DYSF: variants seen among roughly 807,000 people sequenced by gnomAD.
DYSF encodes dysferlin.
DYSF carries 212 observed loss-of-function variants against 274.9 expected under a neutral mutation model. That is an observed-to-expected ratio of 0.77 (90% CI 0.69 to 0.86). DYSF has a LOEUF of 0.86. Ranked by LOEUF, DYSF falls within the 40% of genes least tolerant of loss-of-function variation. DYSF has a pLI of 0.00. For missense variants in DYSF, 2,666 were observed against 2,783.2 expected (o/e 0.96, Z 0.95); for synonymous variants, 1,091 against 1,078.7 (o/e 1.01, Z -0.22).
At chr2:71,612,310 G>A (rs2093781609) in intron 38 of DYSF, among the ~76,000 whole-genome samples, 1 of 152,202 alleles carries the variant, frequency 6.6e-6, no homozygotes, top group South Asian at 2.1e-4. Context: ...TGGGGGGACT[G>A]TCTGTAAGAA....
At chr2:71,545,327 G>A (rs576785606) in intron 17 of DYSF, among the ~76,000 whole-genome samples, 84 of 152,304 alleles carry the variant, frequency 5.5e-4, no homozygotes, top group Admixed American at 1.0e-3. Flanking sequence ...TACCCTCCCT[G>A]AGCTTCCACA....
At chr2:71,483,152 C>T (rs2083073518) in intron 3 of DYSF, among the ~76,000 whole-genome samples, 1 of 152,124 alleles carries the variant, frequency 6.6e-6, no homozygotes, top group Admixed American at 6.5e-5. Flanking sequence ...GAGGGTGGGG[C>T]ACTTTCACTG....
In DYSF at chr2:71,630,636, C is replaced by T. The variant is rs371096863; in HGVS notation, c.4527+10027C>T. ...GGTCCAGCCCATAGTCTCCTATAGGCTCAGTGAGTGGGAAGCCAAATTGTG... is the reference window on the plus strand; with the variant it reads ...GGTCCAGCCCATAGTCTCCTATAGGTTCAGTGAGTGGGAAGCCAAATTGTG... On this transcript the variant is annotated intron_variant, in intron 41 of 55. Transcript: ENST00000410020. Among the ~76,000 whole-genome samples, 35 of 152,336 alleles carry T rather than the reference C, an allele frequency of 2.3e-4. No homozygotes were observed. In the South Asian group the frequency reaches 7.0e-3, roughly 31 times the overall value.
chr2:71,616,666 T>C (rs1276188283), intron 40 of DYSF, among the ~76,000 whole-genome samples: 1 of 152,188 alleles, frequency 6.6e-6, no homozygotes, highest in African/African-American at 2.4e-5. Flanking sequence ...TTCTCTGCTT[T>C]AGAAAACGAT....
At chr2:71,614,998 C>T (rs1227980988) in intron 40 of DYSF, among the ~76,000 whole-genome samples, 6 of 152,174 alleles carry the variant, frequency 3.9e-5, no homozygotes, top group African/African-American at 7.2e-5. Context: ...TCCTGTTTCC[C>T]GGCTGCTCCA....
intron 45 of DYSF, among the ~76,000 whole-genome samples, chr2:71,662,010 T>A (rs2094890174): frequency 6.6e-6 from 1 of 152,096 alleles, no homozygotes; most frequent in African/African-American, 2.4e-5. Context: ...GCAGGGCCTG[T>A]TCCACAGTGG....
chr2:71,636,131 G>A (rs2152916789), intron 41 of DYSF, among the ~76,000 whole-genome samples: 1 of 152,284 alleles, frequency 6.6e-6, no homozygotes, highest in East Asian at 1.9e-4. Context: ...AAAGTTGAAG[G>A]ACGTGAGGTC....
At chr2:71,611,657 A>G in intron 38 of DYSF, 31 bp downstream of exon 38, 1 of 1,609,020 alleles carries the variant, frequency 6.2e-7, no homozygotes, top group Non-Finnish European at 8.5e-7. Flanking sequence ...GTCCCCTTCC[A>G]GAGTCCTGGG....
intron 28 of DYSF, 55 bp downstream of exon 28, chr2:71,570,389 G>A (rs969030843): frequency 2.5e-5 from 39 of 1,576,984 alleles, no homozygotes; most frequent in South Asian, 5.5e-5. Flanking sequence ...CTCAAGCCAT[G>A]CTGGTGGGGA....
At chr2:71,568,470 G>A (rs779687583) in intron 26 of DYSF, 132 bp downstream of exon 26, 82 of 1,231,942 alleles carry the variant, frequency 6.7e-5, no homozygotes, top group Non-Finnish European at 8.4e-5. Context: ...AGGAACTTCC[G>A]CTGAACTCTC....
At position 71,580,880 on chromosome 2, in the gene DYSF, C is replaced by T. The variant is rs72902620; in HGVS notation, c.3402+6509C>T. On this transcript the variant is annotated intron_variant, in intron 30 of 55. Coordinates refer to ENST00000410020, the MANE Select transcript of DYSF (RefSeq NM_001130987.2). ...AGGATTCGATTGCGTGTCCATGTGC[C>T]TCAGGCAAAATGCCAGCGCCCAGAT... Among the ~76,000 whole-genome samples the T allele has an allele frequency of 5.6e-3, 848 of 152,326 alleles. 15 individuals are homozygous for T. The highest frequency in any genetic ancestry group is 0.02 in the African/African-American group (824 of 41,582).
At chr2:71,536,654 G>A (rs987078456) in intron 16 of DYSF, among the ~76,000 whole-genome samples, 1 of 152,228 alleles carries the variant, frequency 6.6e-6, no homozygotes, top group Non-Finnish European at 1.5e-5. Context: ...TCGGCGTACT[G>A]TACAATCCAA....
In DYSF at chr2:71,613,379, T is replaced by A. The variant is rs2093811599; in HGVS notation, c.4433T>A (p.Ile1478Asn). ...CCTGGGGAAGACGTGCTCATCGACA[T>A]TGATGACAAGGAGCCCCTCATCCCC... ...LSPGEDVLIDIDDKEPLIPIQ... is the reference protein window; with the variant it reads ...LSPGEDVLIDNDDKEPLIPIQ... Residue 1478 changes from isoleucine (I) to asparagine (N), a missense_variant, in exon 40 of 56, where the codon ATT (isoleucine) becomes AAT (asparagine). Ile to Asn is a moderately radical substitution (Grantham distance 149). This residue lies in a region of DYSF where 1,460 missense variants were observed against 1,502.1 expected (regional missense o/e 0.97). Coordinates refer to ENST00000410020, the MANE Select transcript of DYSF (RefSeq NM_001130987.2). The A allele has an allele frequency of 6.2e-7, 1 of 1,613,610 alleles. No individual in the cohort carries two copies. The highest frequency in any genetic ancestry group is 2.2e-5 in the East Asian group (1 of 44,856).
chr2:71,589,153 C>G (rs913434688), intron 30 of DYSF, among the ~76,000 whole-genome samples: 5 of 152,164 alleles, frequency 3.3e-5, no homozygotes, highest in Admixed American at 3.3e-4. Flanking sequence ...GCAGCTTCCT[C>G]CAGAGCTTGG....
At chr2:71,539,455 G>A (rs2089711889) in intron 17 of DYSF, among the ~76,000 whole-genome samples, 1 of 152,170 alleles carries the variant, frequency 6.6e-6, no homozygotes, top group South Asian at 2.1e-4. Flanking sequence ...TGCCACTGAA[G>A]GGCACAAAGA....
chr2:71,633,376 T>C (rs1333192966), intron 41 of DYSF, among the ~76,000 whole-genome samples: 1 of 152,206 alleles, frequency 6.6e-6, no homozygotes, highest in Non-Finnish European at 1.5e-5. Flanking sequence ...TCTCAGGACA[T>C]GAAAGAATTA....
intron 30 of DYSF, among the ~76,000 whole-genome samples, chr2:71,583,043 CAAAAAA>C (rs143738269): frequency 0.056 from 2,790 of 49,732 alleles, 32 homozygotes; most frequent in African/African-American, 0.15. Flanking sequence ...GACTCCATCT[CAAAAAA>C]AAAAAAAAAA....
intron 3 of DYSF, among the ~76,000 whole-genome samples, chr2:71,498,975 A>G (rs950227145): frequency 6.6e-6 from 1 of 152,260 alleles, no homozygotes; most frequent in Admixed American, 6.5e-5. Context: ...AAGATTTTTA[A>G]GGAGTTTTTA....
At chr2:71,620,947 G>C (rs1440069688) in intron 41 of DYSF, among the ~76,000 whole-genome samples, 1 of 152,080 alleles carries the variant, frequency 6.6e-6, no homozygotes, top group African/African-American at 2.4e-5. Flanking sequence ...ACCCCAGAAG[G>C]CTCTTCTGGG....
Sources: gnomAD v4.1 joint callset for allele counts (sites outside exome capture counted in the v4.1 genomes callset) on GRCh38, gnomAD v4.1.1 for gene constraint, gnomAD v4.1.1 regional missense constraint, MANE v1.5 for transcripts, NCBI Gene and HGNC (gene_info 2026-07-23, HGNC 2026-07-21) for gene names.